The following L3MBTL4 variants were observed in gnomAD, a reference collection of about 807,000 sequenced individuals.
The protein encoded by L3MBTL4 is lethal(3)malignant brain tumor-like protein 4.
Under a neutral mutation model 84.5 loss-of-function variants are expected in L3MBTL4, and 70 were observed. The ratio of observed to expected loss-of-function variants is 0.83; its 90% CI spans 0.68 to 1.01. The LOEUF (loss-of-function observed/expected upper bound fraction) is 1.01. Among genes scored for constraint, L3MBTL4 ranks in the 50% least tolerant of loss-of-function variants. The probability of loss-of-function intolerance (pLI) is 0.00; values close to 1 mark genes in which losing one functional copy is unlikely to be tolerated. For synonymous variants in L3MBTL4, 274 were observed against 259.8 expected (o/e 1.05, Z -0.52); for missense variants, 715 against 754.8 (o/e 0.95, Z 0.62).
chr18:6,398,797 A>C (rs1186470315), intron 1 of L3MBTL4, among the ~76,000 whole-genome samples: 1 of 152,042 alleles, frequency 6.6e-6, no homozygotes. Context: ...CCCAAAGAGC[A>C]GCAGTCCATT....
intron 1 of L3MBTL4, among the ~76,000 whole-genome samples, chr18:6,336,911 G>C (rs542163997): frequency 6.6e-6 from 1 of 152,056 alleles, no homozygotes; most frequent in African/African-American, 2.4e-5. Context: ...AGAAAATTAA[G>C]GAAAATTAAA....
chr18:6,210,973 T>A (rs2046080326), intron 12 of L3MBTL4, among the ~76,000 whole-genome samples: 2 of 152,310 alleles, frequency 1.3e-5, no homozygotes. Context: ...AAGAGCCAGG[T>A]AGAGTTTCAG....
At chr18:6,000,581 T>C (rs1267881974) in intron 16 of L3MBTL4, among the ~76,000 whole-genome samples, 2 of 152,246 alleles carry the variant, frequency 1.3e-5, no homozygotes, top group African/African-American at 2.4e-5. Flanking sequence ...ACATAATTAG[T>C]GTGTCTGAGG....
In L3MBTL4 at chr18:6,154,762, G is replaced by A. The variant is rs115535051; in HGVS notation, c.1097-16466C>T. ...TTAAACATGATTTTTTGCATTACTC[G>A]CTGAATTTAGACCCTAATCCTAGAA... On this transcript the variant is annotated intron_variant, in intron 13 of 18. Coordinates refer to ENST00000317931, the MANE Select transcript of L3MBTL4 (RefSeq NM_001330559.2). Among the ~76,000 whole-genome samples, 124 of 152,174 alleles carry A rather than the reference G, an allele frequency of 8.1e-4. 1 individual carries two copies. The highest frequency in any genetic ancestry group is 2.9e-3 in the African/African-American group (119 of 41,516).
intron 12 of L3MBTL4, among the ~76,000 whole-genome samples, chr18:6,176,494 A>G (rs1221042862): frequency 1.3e-5 from 2 of 151,794 alleles, no homozygotes; most frequent in Non-Finnish European, 2.9e-5. Context: ...ATGCTTGAAC[A>G]TCAACATGTG....
At chr18:6,013,406 G>A (rs1035660455) in intron 16 of L3MBTL4, among the ~76,000 whole-genome samples, 2 of 152,202 alleles carry the variant, frequency 1.3e-5, no homozygotes, top group African/African-American at 4.8e-5. Flanking sequence ...AACGCAATGT[G>A]TAAAAAACTT....
intron 18 of L3MBTL4, among the ~76,000 whole-genome samples, chr18:5,958,136 G>C (rs1413638002): frequency 4.1e-4 from 25 of 60,584 alleles, no homozygotes; most frequent in African/African-American, 9.4e-4. Flanking sequence ...AGAAAAAGAA[G>C]AAGAAGAAGA....
intron 1 of L3MBTL4, among the ~76,000 whole-genome samples, chr18:6,322,521 C>A (rs1388998141): frequency 1.8e-3 from 261 of 141,698 alleles, no homozygotes; most frequent in African/African-American, 6.2e-3. Context: ...AAAAAAAAAA[C>A]AAACAAACAG....
chr18:6,377,194 CT>C (rs1333375898), intron 1 of L3MBTL4, among the ~76,000 whole-genome samples: 12 of 152,258 alleles, frequency 7.9e-5, no homozygotes, highest in Admixed American at 6.5e-4. Flanking sequence ...CATTCACATA[CT>C]GAGTAACTGA....
chr18:6,240,043 A>C (rs2047390007), intron 8 of L3MBTL4, among the ~76,000 whole-genome samples, 171 bp from the exon 9 acceptor site: 1 of 152,216 alleles, frequency 6.6e-6, no homozygotes, highest in Non-Finnish European at 1.5e-5. Context: ...ACTGTCACAC[A>C]GTTTATATTC....
At chr18:6,188,319 ATAAT>A (rs1459631252) in intron 12 of L3MBTL4, among the ~76,000 whole-genome samples, 6 of 150,250 alleles carry the variant, frequency 4.0e-5, no homozygotes, top group African/African-American at 7.3e-5. Flanking sequence ...ACTCTATAAT[ATAAT>A]TAATATTAAA....
intron 16 of L3MBTL4, among the ~76,000 whole-genome samples, chr18:5,994,918 C>G (rs58363457): frequency 0.043 from 6,548 of 152,312 alleles, 162 homozygotes; most frequent in Middle Eastern, 0.078. Context: ...TACAAATGTT[C>G]TACAATTATT....
At chr18:6,372,877 CATAATT>C (rs2054213628) in intron 1 of L3MBTL4, among the ~76,000 whole-genome samples, 1 of 152,142 alleles carries the variant, frequency 6.6e-6, no homozygotes, top group African/African-American at 2.4e-5. Context: ...CTTAACCCAC[CATAATT>C]ATATTTTGCA....
intron 17 of L3MBTL4, among the ~76,000 whole-genome samples, chr18:5,965,936 C>T (rs1292840653): frequency 6.6e-6 from 1 of 152,170 alleles, no homozygotes; most frequent in Non-Finnish European, 1.5e-5. Flanking sequence ...GTATGCGAGG[C>T]ACTTAGACTT....
intron 1 of L3MBTL4, among the ~76,000 whole-genome samples, chr18:6,364,064 T>C (rs1005814914): frequency 2.6e-5 from 4 of 152,186 alleles, no homozygotes; most frequent in African/African-American, 9.7e-5. Flanking sequence ...CCTCTCTTTT[T>C]GGTCCTTGTA....
intron 13 of L3MBTL4, among the ~76,000 whole-genome samples, chr18:6,164,570 G>C (rs1209684365): frequency 1.3e-5 from 2 of 152,180 alleles, no homozygotes; most frequent in African/African-American, 2.4e-5. Context: ...AGGCAAACAG[G>C]GTCTGGAGTG....
At chr18:6,157,544 A>G (rs1045466327) in intron 13 of L3MBTL4, among the ~76,000 whole-genome samples, 1 of 152,204 alleles carries the variant, frequency 6.6e-6, no homozygotes, top group South Asian at 2.1e-4. Flanking sequence ...TAAACAATGT[A>G]CCAGCCATAT....
intron 12 of L3MBTL4, among the ~76,000 whole-genome samples, chr18:6,211,851 G>A (rs1784734883): frequency 6.6e-6 from 1 of 152,116 alleles, no homozygotes; most frequent in African/African-American, 2.4e-5. Context: ...GTTTCACTAT[G>A]TTGGCCAGGC....
chr18:6,413,758 G>C (rs935659165), intron 1 of L3MBTL4, among the ~76,000 whole-genome samples: 1 of 152,186 alleles, frequency 6.6e-6, no homozygotes, highest in Non-Finnish European at 1.5e-5. Flanking sequence ...TGGCCGAGTG[G>C]GTCGTGGTGA....
Sources: allele counts gnomAD v4.1 joint callset (sites outside exome capture counted in the v4.1 genomes callset), GRCh38; gene constraint gnomAD v4.1.1; transcripts MANE v1.5; gene names NCBI Gene and HGNC (gene_info 2026-07-23, HGNC 2026-07-21).